Variants in JAK1 observed in about 807,000 individuals in gnomAD.
JAK1 encodes tyrosine-protein kinase JAK1.
In JAK1, 16 loss-of-function variants were observed where a neutral mutation model predicts 136.6. The ratio of observed to expected loss-of-function variants is 0.12; its 90% CI spans 0.08 to 0.18. The LOEUF is 0.18. Among genes scored for constraint, JAK1 ranks in the 10% least tolerant of loss-of-function variants. The probability of loss-of-function intolerance (pLI) is 1.00; values close to 1 mark genes in which losing one functional copy is unlikely to be tolerated. For synonymous variants in JAK1, 492 were observed against 519.5 expected (o/e 0.95, Z 0.72); for missense variants, 859 against 1,450.1 (o/e 0.59, Z 6.62).
At position 65,024,139 on chromosome 1, in the gene JAK1, G is replaced by A. The variant is rs187176576; in HGVS notation, c.-78+20341C>T. On this transcript the variant is annotated intron_variant, in intron 2 of 25. Coordinates refer to the JAK1 transcript ENST00000671954. ...TTTTGGGGGTATATACCTAGGAGTA[G>A]AATAGCTGGTAACTCTATGTTTAAT... Among the ~76,000 whole-genome samples the A allele has an allele frequency of 2.9e-3, 441 of 152,238 alleles. 2 individuals are homozygous for A. The highest frequency in any genetic ancestry group is 0.01 in the African/African-American group (427 of 41,538).
chr1:64,919,891 G>A (rs763255568), intron 1 of JAK1, among the ~76,000 whole-genome samples: 6 of 152,046 alleles, frequency 3.9e-5, no homozygotes, highest in Non-Finnish European at 8.8e-5. Flanking sequence ...TCAGGACAGA[G>A]TCGGGTTCTT....
chr1:64,939,295 TA>T (rs1180961671), intron 1 of JAK1, among the ~76,000 whole-genome samples: 1 of 152,196 alleles, frequency 6.6e-6, no homozygotes, highest in Non-Finnish European at 1.5e-5. Flanking sequence ...CTCATACCTC[TA>T]AGGGTGACCA....
At chr1:65,040,344 C>T (rs1326691458) in intron 2 of JAK1, among the ~76,000 whole-genome samples, 1 of 152,112 alleles carries the variant, frequency 6.6e-6, no homozygotes, top group Non-Finnish European at 1.5e-5. Context: ...CTAGAGGCCA[C>T]CTGCCTTCTG....
chr1:64,833,423 A>ATAAC lies in JAK1; in HGVS notation c.*1135_*1138dup, dbSNP rs1654253813. 2 of 233,022 alleles carry ATAAC rather than the reference A, an allele frequency of 8.6e-6. No individual in the cohort carries two copies. Among genetic ancestry groups the ATAAC allele is most frequent in the East Asian group, 1.2e-4 (2 of 16,514 alleles). 14.4% of individuals were successfully genotyped at this position (233,022 alleles called of 1,614,324 possible). ...CAATATCAAACGAATACTAAACAGC[A>ATAAC]TAACAAAAAGATTTTCAGACTCTTG... On this transcript the variant is annotated 3_prime_UTR_variant, in exon 25 of 25. Transcript: ENST00000342505.
intron 2 of JAK1, among the ~76,000 whole-genome samples, chr1:65,038,928 G>A (rs1001699081): frequency 1.9e-4 from 26 of 139,350 alleles, no homozygotes; most frequent in East Asian, 5.0e-4. Flanking sequence ...GTGAGCCACC[G>A]CACCCAGTCT....
chr1:64,997,342 G>A (rs1432856757), intron 2 of JAK1, among the ~76,000 whole-genome samples: 2 of 152,118 alleles, frequency 1.3e-5, no homozygotes, highest in East Asian at 1.9e-4. Context: ...AAATAAGAAT[G>A]TTTAATATTA....
chr1:64,885,543 C>G (rs768857623), intron 2 of JAK1, among the ~76,000 whole-genome samples: 1 of 151,858 alleles, frequency 6.6e-6, no homozygotes, highest in Non-Finnish European at 1.5e-5. Context: ...CACGAGGTCA[C>G]GAGATTGAGA....
chr1:64,913,708 G>GGAGA (rs1553168177), intron 1 of JAK1, among the ~76,000 whole-genome samples: 32 of 76,068 alleles, frequency 4.2e-4, no homozygotes, highest in Non-Finnish European at 7.1e-4. Context: ...AGGAAAGAAG[G>GGAGA]GAGGGAGGGA....
intron 2 of JAK1, among the ~76,000 whole-genome samples, chr1:65,042,407 A>AACACACAC (rs72477165): frequency 4.1e-5 from 6 of 148,012 alleles, no homozygotes; most frequent in African/African-American, 1.2e-4. Context: ...ACTCTTATTT[A>AACACACAC]ACACACACAC....
At chr1:64,849,722 AT>A (rs1345875982) in intron 12 of JAK1, among the ~76,000 whole-genome samples, 1 of 152,230 alleles carries the variant, frequency 6.6e-6, no homozygotes, top group African/African-American at 2.4e-5. Context: ...GGCATGGAGG[AT>A]GGTGGTTACC....
chr1:65,043,011 T>G (rs1216537106), intron 2 of JAK1, among the ~76,000 whole-genome samples: 1 of 152,058 alleles, frequency 6.6e-6, no homozygotes, highest in Non-Finnish European at 1.5e-5. Context: ...ATGTTGGAAA[T>G]GACAAACCAA....
At position 64,833,591 on chromosome 1, in the gene JAK1, A is replaced by G. The variant is rs181322716; in HGVS notation, c.*971T>C. Reference sequence around the variant, plus strand: ...CCGGGTCTTTCAAGTGTTGCACCACAGGGTGATGATTGATGGTAAAAACAG... The same window carrying G: ...CCGGGTCTTTCAAGTGTTGCACCACGGGGTGATGATTGATGGTAAAAACAG... On this transcript the variant is annotated 3_prime_UTR_variant, in exon 25 of 25. Transcript: ENST00000342505. 2.1e-5 allele frequency: 5 copies of G among 233,016 alleles called. No individual in the cohort carries two copies. The East Asian group carries it at 3.0e-4, about 14-fold the overall frequency. The allele number at this position is 233,016 out of a possible 1,614,324, so 14.4% of individuals were successfully genotyped here.
At chr1:64,886,769 C>T (rs896749032) in intron 1 of JAK1, among the ~76,000 whole-genome samples, 1 of 146,284 alleles carries the variant, frequency 6.8e-6, no homozygotes, top group African/African-American at 2.6e-5. Context: ...CACACACACA[C>T]ACACACACAC....
At chr1:64,867,262 T>A in intron 6 of JAK1, 54 bp from the exon 7 acceptor site, 1 of 1,324,006 alleles carries the variant, frequency 7.6e-7, no homozygotes, top group Non-Finnish European at 1.0e-6. Flanking sequence ...TAGGAGAAAA[T>A]AGTTTAGAAA....
chr1:64,888,788 T>C (rs1015204188), intron 1 of JAK1, among the ~76,000 whole-genome samples: 1 of 152,216 alleles, frequency 6.6e-6, no homozygotes, highest in African/African-American at 2.4e-5. Flanking sequence ...GATTAAACTC[T>C]TCGAGAAAAC....
chr1:64,925,090 G>A (rs1023632894), intron 1 of JAK1, among the ~76,000 whole-genome samples: 8 of 152,056 alleles, frequency 5.3e-5, no homozygotes, highest in African/African-American at 1.9e-4. Context: ...TGTGAGATCT[G>A]TACCTTCCTC....
At chr1:65,018,462 CAGAGAGAG>C (rs138864438) in intron 2 of JAK1, among the ~76,000 whole-genome samples, 5 of 146,204 alleles carry the variant, frequency 3.4e-5, no homozygotes, top group Non-Finnish European at 6.0e-5. Context: ...CACATACATA[CAGAGAGAG>C]AGAGAGAGAG....
At chr1:65,041,701 C>T (rs113053705) in intron 2 of JAK1, among the ~76,000 whole-genome samples, 34 of 152,258 alleles carry the variant, frequency 2.2e-4, no homozygotes, top group African/African-American at 7.7e-4. Flanking sequence ...ACTATATATA[C>T]ATACAGTTGG....
chr1:65,061,181 G>A (rs1046748647), intron 1 of JAK1, among the ~76,000 whole-genome samples: 65 of 152,294 alleles, frequency 4.3e-4, no homozygotes, highest in African/African-American at 1.5e-3. Flanking sequence ...CGCCTTAGGA[G>A]GCTGAGGCAG....
Sources: allele counts gnomAD v4.1 joint callset (sites outside exome capture counted in the v4.1 genomes callset), GRCh38; gene constraint gnomAD v4.1.1; transcripts MANE v1.5; gene names NCBI Gene and HGNC (gene_info 2026-07-23, HGNC 2026-07-21).